The following DNASE2B variants were observed in gnomAD, a reference collection of about 807,000 sequenced individuals.
The protein encoded by DNASE2B is deoxyribonuclease-2-beta.
Under a neutral mutation model 46.0 loss-of-function variants are expected in DNASE2B, and 43 were observed. That is an observed-to-expected ratio of 0.94 (90% CI 0.73 to 1.21). The LOEUF (loss-of-function observed/expected upper bound fraction) is 1.21, where lower values mean the gene tolerates loss of function less well. Ranked by LOEUF, DNASE2B falls within the 50% of genes most tolerant of loss-of-function variation. DNASE2B has a pLI of 0.00. For missense variants in DNASE2B, 395 were observed against 414.4 expected, an observed-to-expected ratio of 0.95 and a Z score of 0.41; for synonymous variants, 156 against 152.5, an observed-to-expected ratio of 1.02 and a Z score of -0.17.
Position 84,414,607 on chromosome 1 carries a change from T to G in DNASE2B, c.825T>G (p.Leu275=). ...CCTGGCAGCGAAAAAGACAAGAGCT[T>G]CCTTCAAACTGCTCCCTTCCTTACC... ...TETWQRKRQE[L]PSNCSLPYHV... is the part of the protein sequence containing the mutation. The change falls in exon 6 of 6, where the codon CTT becomes CTG. Residue 275 remains leucine (L), a synonymous_variant. Coordinates refer to ENST00000370665, the MANE Select transcript of DNASE2B (RefSeq NM_021233.3). 6.2e-7 allele frequency: 1 copy of G among 1,614,150 alleles called. No homozygotes were observed. The highest frequency in any genetic ancestry group is 8.5e-7 in the Non-Finnish European group (1 of 1,180,012).
chr1:84,410,689 C>T lies in DNASE2B; in HGVS notation c.386-149C>T, dbSNP rs1164659133. On this transcript the variant is annotated intron_variant, in intron 3 of 5. Transcript: ENST00000370665. Reference sequence around the variant, plus strand: ...TATGTGCCAGAATTGTATTTGAAATCTTTGAAAAATAAGCATGATCCTTGT... The same window carrying T: ...TATGTGCCAGAATTGTATTTGAAATTTTTGAAAAATAAGCATGATCCTTGT... 3 of 809,190 alleles carry T rather than the reference C, an allele frequency of 3.7e-6. No individual in the cohort carries two copies. In the Admixed American group the frequency reaches 9.8e-5, roughly 27 times the overall value. The allele number at this position is 809,190 out of a possible 1,614,324, so 50.1% of individuals were successfully genotyped here.
rs149919241 is a variant in DNASE2B, at chr1:84,410,997, T to C, written c.545T>C (p.Ile182Thr). ...TTCAAGTACAACCAGTATGAGGCAA[T>C]AGGTAAAACTAAAGTATGTGAGAAA... ...ITFKYNQYEA[I>T]DSQLLVCNPN... The change falls in exon 4 of 6, where the codon ATA becomes ACA. Residue 182 changes from isoleucine to threonine, a missense_variant and splice_region_variant. Ile to Thr is a moderately conservative substitution (Grantham distance 89). Transcript: ENST00000370665. 3,647 of 1,601,874 alleles carry C rather than the reference T, an allele frequency of 2.3e-3. 15 individuals carry two copies. The highest frequency in any genetic ancestry group is 4.5e-3 in the Middle Eastern group (27 of 6,058).
At position 84,414,811 on chromosome 1, in the gene DNASE2B, T is replaced by C. The variant is rs773211478; in HGVS notation, c.1029T>C (p.Asn343=). 32 of 1,614,042 alleles carry C rather than the reference T, an allele frequency of 2.0e-5. No homozygotes were observed. Among genetic ancestry groups the C allele is most frequent in the Admixed American group, 6.7e-5 (4 of 60,002 alleles). ...GTGGAGGATTCATTTGTACCCAGAA[T>C]TGGCAAATTTACCAAGCATTTCAAG... ...FRSGGFICTQ[N]WQIYQAFQGL... The change falls in exon 6 of 6, where the codon AAT becomes AAC. Residue 343 remains asparagine (N), a synonymous_variant. Coordinates refer to ENST00000370665, the MANE Select transcript of DNASE2B (RefSeq NM_021233.3).
chr1:84,404,760 G>A (rs1413009230), intron 2 of DNASE2B, among the ~76,000 whole-genome samples: 1 of 152,148 alleles, frequency 6.6e-6, no homozygotes, highest in Non-Finnish European at 1.5e-5. Context: ...TTAGAAAAAG[G>A]GTTTTGTTGC....
At chr1:84,412,250 G>A (rs867502536) in intron 4 of DNASE2B, 99 bp from the exon 5 acceptor site, 3 of 1,117,132 alleles carry the variant, frequency 2.7e-6, no homozygotes, top group Non-Finnish European at 3.6e-6. Context: ...TTGTTTTTGT[G>A]TTGTTTTGTT....
At chr1:84,411,359 C>T (rs1475527616) in intron 4 of DNASE2B, among the ~76,000 whole-genome samples, 2 of 151,848 alleles carry the variant, frequency 1.3e-5, no homozygotes, top group African/African-American at 4.8e-5. Flanking sequence ...CATACTGTGG[C>T]TCTACAGGAA....
chr1:84,399,421 G>A (rs1430624026), intron 1 of DNASE2B, among the ~76,000 whole-genome samples: 3 of 152,180 alleles, frequency 2.0e-5, no homozygotes, highest in African/African-American at 4.8e-5. Flanking sequence ...CTCAACAGAG[G>A]TCTGTGTGGA....
intron 3 of DNASE2B, among the ~76,000 whole-genome samples, chr1:84,409,067 T>A (rs1680543888): frequency 6.6e-6 from 1 of 152,082 alleles, no homozygotes; most frequent in African/African-American, 2.4e-5. Flanking sequence ...TCACAATTTT[T>A]TTATTTCTAA....
Position 84,408,503 on chromosome 1 carries a change from T to G in DNASE2B, c.370T>G (p.Tyr124Asp). Residue 124 changes from tyrosine (Y) to aspartate (D), a missense_variant, in exon 3 of 6, where the codon TAT becomes GAT. Transcript: ENST00000370665. The part of the protein sequence containing the change: ...VPKPVNYSRK[Y>D]GHTKGLLLWN... ...TAAACCTGTGAATTACAGCAGAAAG[T>G]ATGGACACACCAAAGGTATGACAAA... The G allele has an allele frequency of 6.2e-7, 1 of 1,610,500 alleles. No homozygotes were observed. Among genetic ancestry groups the G allele is most frequent in the African/African-American group, 1.3e-5 (1 of 74,906 alleles).
intron 3 of DNASE2B, 122 bp from the exon 4 acceptor site, chr1:84,410,716 A>T: frequency 1.1e-6 from 1 of 903,568 alleles, no homozygotes; most frequent in African/African-American, 1.7e-5. Context: ...GATCCTTGTG[A>T]TTATTAGCCT....
At chr1:84,406,308 A>G (rs1389501446) in intron 2 of DNASE2B, among the ~76,000 whole-genome samples, 1 of 152,120 alleles carries the variant, frequency 6.6e-6, no homozygotes, top group Non-Finnish European at 1.5e-5. Flanking sequence ...CTGCTAGGGG[A>G]GGAAGAAGGA....
chr1:84,408,231 A>T, intron 2 of DNASE2B: 1 of 681,998 alleles, frequency 1.5e-6, no homozygotes, highest in Non-Finnish European at 2.1e-6. Context: ...AGTAAAAATC[A>T]TGCACAGTTA....
At chr1:84,407,799 C>T (rs1680515774) in intron 2 of DNASE2B, among the ~76,000 whole-genome samples, 1 of 151,972 alleles carries the variant, frequency 6.6e-6, no homozygotes, top group Non-Finnish European at 1.5e-5. Context: ...CAGAGGAAAT[C>T]CAATATCACA....
chr1:84,399,491 T>C (rs1340876202), intron 1 of DNASE2B, among the ~76,000 whole-genome samples: 2 of 152,288 alleles, frequency 1.3e-5, no homozygotes, highest in African/African-American at 2.4e-5. Flanking sequence ...CTCACAGTTA[T>C]GTGGTAAGGG....
chr1:84,407,810 C>G (rs1472599632), intron 2 of DNASE2B, among the ~76,000 whole-genome samples: 1 of 152,058 alleles, frequency 6.6e-6, no homozygotes, highest in African/African-American at 2.4e-5. Context: ...CAATATCACA[C>G]AGTAAATTTC....
intron 5 of DNASE2B, among the ~76,000 whole-genome samples, chr1:84,413,273 G>A (rs1163700587): frequency 6.6e-6 from 1 of 152,014 alleles, no homozygotes; most frequent in African/African-American, 2.4e-5. Flanking sequence ...CTTCACTGCA[G>A]TCTTGCTTCT....
intron 1 of DNASE2B, among the ~76,000 whole-genome samples, chr1:84,400,959 C>T (rs541090805): frequency 3.9e-5 from 6 of 152,012 alleles, no homozygotes; most frequent in Admixed American, 3.3e-4. Flanking sequence ...AGTATAAGAC[C>T]GAAGGGGACC....
In DNASE2B at chr1:84,412,414, G is replaced by T. The variant is rs772585006; in HGVS notation, c.613G>T (p.Glu205Ter). 3.3e-5 allele frequency: 53 copies of T among 1,612,796 alleles called. No homozygotes were observed. The highest frequency in any genetic ancestry group is 4.3e-5 in the Non-Finnish European group (51 of 1,179,374). ...CTCCATCCCAGCCACCTTTCACCAG[G>T]AGCTCATTCACATGCCCCAGCTGTG... ...SCSIPATFHQ[E>*]LIHMPQLCTR... Residue 205 changes from glutamate to a stop codon, truncating the protein, a stop_gained, in exon 5 of 6, where the codon GAG (glutamate) becomes TAG (stop). Transcript: ENST00000370665. LOFTEE classifies it high-confidence loss of function.
At chr1:84,401,785 C>T (rs180823875) in intron 1 of DNASE2B, 116 bp from the exon 2 acceptor site, 20 of 762,378 alleles carry the variant, frequency 2.6e-5, no homozygotes, top group Admixed American at 2.4e-4. Flanking sequence ...AAATCCCTTT[C>T]CTTAGAGGCC....
Sources: gnomAD v4.1 joint callset for allele counts (sites outside exome capture counted in the v4.1 genomes callset) on GRCh38, gnomAD v4.1.1 for gene constraint, MANE v1.5 for transcripts, NCBI Gene and HGNC (gene_info 2026-07-23, HGNC 2026-07-21) for gene names.